MMS22L: variants seen among roughly 807,000 people sequenced by gnomAD.
MMS22L encodes the protein MMS22 like, DNA repair protein.
MMS22L carries 74 observed loss-of-function variants against 159.1 expected under a neutral mutation model. The ratio of observed to expected loss-of-function variants is 0.47; its 90% CI spans 0.39 to 0.56. MMS22L has a LOEUF of 0.56. Ranked by LOEUF, MMS22L falls within the 20% of genes least tolerant of loss-of-function variation. MMS22L has a pLI of 0.00. For synonymous variants in MMS22L, 517 were observed against 506.9 expected, an observed-to-expected ratio of 1.02 and a Z score of -0.27; for missense variants, 1,351 against 1,422.1, an observed-to-expected ratio of 0.95 and a Z score of 0.80.
chr6:97,150,789 A>G (rs539767921), intron 23 of MMS22L, among the ~76,000 whole-genome samples: 2 of 152,306 alleles, frequency 1.3e-5, no homozygotes, highest in South Asian at 4.1e-4. Context: ...AAACGAACGC[A>G]AATTATTTCT....
Position 97,152,332 on chromosome 6 carries a change from C to T in MMS22L, c.3386-465G>A, listed in dbSNP as rs537658713. ...ACAATTTCTTTTCACTTAAAATTAGCCAAATATGTATGCAAAATGTTGTTT... is the reference window on the plus strand; with the variant it reads ...ACAATTTCTTTTCACTTAAAATTAGTCAAATATGTATGCAAAATGTTGTTT... On this transcript the variant is annotated intron_variant, in intron 22 of 24. Coordinates refer to ENST00000683635, the MANE Select transcript of MMS22L (RefSeq NM_001350599.2). Among the ~76,000 whole-genome samples the T allele has an allele frequency of 2.2e-4, 33 of 151,688 alleles. 1 individual carries two copies. In the South Asian group the frequency reaches 4.4e-3, roughly 20 times the overall value.
At chr6:97,183,547 G>A (rs745824259) in intron 15 of MMS22L, among the ~76,000 whole-genome samples, 5 of 151,942 alleles carry the variant, frequency 3.3e-5, no homozygotes, top group African/African-American at 4.8e-5. Context: ...ATTCTCTTAG[G>A]GTACAATTGC....
At chr6:97,164,667 A>G (rs1358728596) in intron 21 of MMS22L, among the ~76,000 whole-genome samples, 1 of 152,024 alleles carries the variant, frequency 6.6e-6, no homozygotes, top group Non-Finnish European at 1.5e-5. Flanking sequence ...CCCAGGCTAT[A>G]GTACAGTGGC....
At position 97,229,274 on chromosome 6, in the gene MMS22L, G is replaced by A. The variant is rs776639786; in HGVS notation, c.1659C>T (p.Asp553=). The A allele has an allele frequency of 7.6e-5, 122 of 1,614,024 alleles. No homozygotes were observed. Among genetic ancestry groups the A allele is most frequent in the Admixed American group, 1.0e-4 (6 of 60,002 alleles). Residue 553 remains aspartate (D), a synonymous_variant, in exon 14 of 25, where the codon GAC becomes GAT. Transcript: ENST00000683635. ...EVEDVASHVL[D]LLNFLKPAFV... is the part of the protein sequence containing the mutation. ...AAGCAGGCTTGAGGAAATTCAGGAG[G>A]TCTAAAACATGACTTGCAACATCTT...
At chr6:97,262,361 C>G (rs551392062) in intron 9 of MMS22L, among the ~76,000 whole-genome samples, 1 of 151,990 alleles carries the variant, frequency 6.6e-6, no homozygotes, top group Non-Finnish European at 1.5e-5. Context: ...AAAAAGATAG[C>G]AGGCCAGGCA....
At position 97,143,906 on chromosome 6, in the gene MMS22L, C is replaced by T. The variant is rs1200711676; in HGVS notation, c.*2900G>A. ...GAGATCGAGCCCAACATGGTGAAACCCCGTCTCTACTAAAAATACAAAAAA... is the reference window on the plus strand; with the variant it reads ...GAGATCGAGCCCAACATGGTGAAACTCCGTCTCTACTAAAAATACAAAAAA... On this transcript the variant is annotated 3_prime_UTR_variant, in exon 25 of 25. Coordinates refer to ENST00000683635, the MANE Select transcript of MMS22L (RefSeq NM_001350599.2). 2 of 151,882 alleles carry T rather than the reference C, an allele frequency of 1.3e-5. No individual in the cohort carries two copies. Among genetic ancestry groups the T allele is most frequent in the African/African-American group, 4.9e-5 (2 of 41,220 alleles). The allele number at this position is 151,882 out of a possible 1,614,324, so 9.4% of individuals were successfully genotyped here. A position where few individuals can be genotyped will look rare whatever the true frequency, so the allele number is the denominator to read the frequency against.
intron 10 of MMS22L, 97 bp downstream of exon 10, chr6:97,254,460 T>C: frequency 1.1e-6 from 1 of 918,160 alleles, no homozygotes; most frequent in East Asian, 2.7e-5. Flanking sequence ...GATTGTAGTC[T>C]GACTTTTCTT....
chr6:97,237,785 C>A (rs1389749720), intron 11 of MMS22L, among the ~76,000 whole-genome samples: 13 of 152,098 alleles, frequency 8.5e-5, no homozygotes, highest in Non-Finnish European at 1.9e-4. Context: ...CACTAATATC[C>A]TCTAATTTTA....
At chr6:97,187,430 T>C (rs953733993) in intron 14 of MMS22L, among the ~76,000 whole-genome samples, 4 of 152,196 alleles carry the variant, frequency 2.6e-5, no homozygotes, top group Non-Finnish European at 5.9e-5. Flanking sequence ...CTTAGTGATG[T>C]GGAACAGAAG....
chr6:97,221,192 T>C (rs1367855273), intron 14 of MMS22L, among the ~76,000 whole-genome samples: 2 of 152,162 alleles, frequency 1.3e-5, no homozygotes, highest in Non-Finnish European at 2.9e-5. Flanking sequence ...GTAGGTGGTA[T>C]TATCCTCATT....
At chr6:97,214,038 G>A (rs992683117) in intron 14 of MMS22L, among the ~76,000 whole-genome samples, 2 of 151,974 alleles carry the variant, frequency 1.3e-5, no homozygotes, top group East Asian at 1.9e-4. Context: ...TTGAACATAC[G>A]CTATGGCTCC....
intron 14 of MMS22L, among the ~76,000 whole-genome samples, chr6:97,208,737 C>G (rs1172149795): frequency 1.3e-5 from 2 of 152,006 alleles, no homozygotes; most frequent in Non-Finnish European, 2.9e-5. Context: ...AAGAACTGCT[C>G]TCATCACACC....
chr6:97,170,243 A>C (rs1803391300), intron 19 of MMS22L, among the ~76,000 whole-genome samples: 1 of 152,154 alleles, frequency 6.6e-6, no homozygotes, highest in Non-Finnish European at 1.5e-5. Context: ...CATTTTCTGC[A>C]ACGGTTGAAA....
At chr6:97,259,693 A>C (rs1471541238) in intron 9 of MMS22L, 1 of 30,742 alleles carries the variant, frequency 3.3e-5, no homozygotes, top group Non-Finnish European at 6.8e-5. Context: ...CATTATAATA[A>C]ATCTTATATA....
chr6:97,231,065 A>C (rs773356648), intron 13 of MMS22L: 15 of 185,410 alleles, frequency 8.1e-5, no homozygotes, highest in Non-Finnish European at 1.5e-4. Flanking sequence ...GACTAATGTG[A>C]CCAAAGTTTA....
intron 14 of MMS22L, among the ~76,000 whole-genome samples, chr6:97,216,489 C>T (rs754384016): frequency 3.3e-5 from 5 of 152,118 alleles, no homozygotes; most frequent in Non-Finnish European, 5.9e-5. Context: ...GCCAGTTTAT[C>T]ATACTGAGTT....
At chr6:97,222,514 C>T (rs924988420) in intron 14 of MMS22L, among the ~76,000 whole-genome samples, 1 of 151,980 alleles carries the variant, frequency 6.6e-6, no homozygotes, top group Non-Finnish European at 1.5e-5. Context: ...TTGTTTAATA[C>T]AAAATAGGAT....
chr6:97,151,406 G>C (rs927513383), intron 23 of MMS22L, among the ~76,000 whole-genome samples: 1 of 152,080 alleles, frequency 6.6e-6, no homozygotes, highest in Non-Finnish European at 1.5e-5. Context: ...GTGCAGAGTG[G>C]GCTATAGCAC....
intron 14 of MMS22L, among the ~76,000 whole-genome samples, chr6:97,196,271 A>G (rs1449291588): frequency 1.3e-5 from 2 of 152,210 alleles, no homozygotes; most frequent in African/African-American, 4.8e-5. Context: ...GACTTCCTGG[A>G]GAAGACATGC....
Sources: allele counts gnomAD v4.1 joint callset (sites outside exome capture counted in the v4.1 genomes callset), GRCh38; gene constraint gnomAD v4.1.1; transcripts MANE v1.5; gene names NCBI Gene and HGNC (gene_info 2026-07-23, HGNC 2026-07-21).